The following MARCHF11 variants were observed in gnomAD, a reference collection of about 807,000 sequenced individuals.
The protein encoded by MARCHF11 is E3 ubiquitin-protein ligase MARCHF11.
A neutral mutation model predicts 37.3 loss-of-function variants in MARCHF11; 29 were observed. That is an observed-to-expected ratio of 0.78 (90% CI 0.58 to 1.06). The LOEUF (loss-of-function observed/expected upper bound fraction) is 1.06. Among genes scored for constraint, MARCHF11 ranks in the 50% least tolerant of loss-of-function variants. MARCHF11 has a pLI of 0.00. For missense variants in MARCHF11, 482 were observed against 533.4 expected (o/e 0.90, Z 0.95); for synonymous variants, 233 against 228.0 (o/e 1.02, Z -0.20).
chr5:16,102,297 C>G (rs1481342037), intron 2 of MARCHF11, among the ~76,000 whole-genome samples: 1 of 152,180 alleles, frequency 6.6e-6, no homozygotes, highest in African/African-American at 2.4e-5. Flanking sequence ...TGTAAGATGA[C>G]ACTGATACGT....
chr5:16,107,257 T>G (rs978445247), intron 2 of MARCHF11, among the ~76,000 whole-genome samples: 8 of 152,052 alleles, frequency 5.3e-5, no homozygotes, highest in African/African-American at 1.9e-4. Context: ...GTTTTTCCTC[T>G]CCCAAGCGTT....
chr5:16,109,715 C>T lies in MARCHF11; in HGVS notation c.694-18634G>A, dbSNP rs561296918. Among the ~76,000 whole-genome samples, 43 of 152,316 alleles carry T rather than the reference C, an allele frequency of 2.8e-4. No homozygotes were observed. The Middle Eastern group carries it at 0.01, about 36-fold the overall frequency. On this transcript the variant is annotated intron_variant, in intron 2 of 3. Coordinates refer to ENST00000332432, the MANE Select transcript of MARCHF11 (RefSeq NM_001102562.3). ...AGTCATTAGAAGCTGAGGTGACAAC[C>T]TGGACTTGGGACTGGTGTCTGAAGT...
chr5:16,084,083 C>T (rs1456359289), intron 3 of MARCHF11, among the ~76,000 whole-genome samples: 3 of 152,044 alleles, frequency 2.0e-5, no homozygotes, highest in African/African-American at 4.8e-5. Flanking sequence ...CTTTTAGCTA[C>T]TCCATCTGGA....
At chr5:16,083,701 G>A (rs1314244931) in intron 3 of MARCHF11, among the ~76,000 whole-genome samples, 1 of 152,166 alleles carries the variant, frequency 6.6e-6, no homozygotes, top group Non-Finnish European at 1.5e-5. Flanking sequence ...AGAGATACCG[G>A]AGGGCATGAA....
At chr5:16,153,908 C>A (rs1318298386) in intron 2 of MARCHF11, among the ~76,000 whole-genome samples, 6 of 151,902 alleles carry the variant, frequency 3.9e-5, no homozygotes, top group Non-Finnish European at 8.8e-5. Context: ...GTGCCTTCCC[C>A]TCTTTTTCCT....
intron 3 of MARCHF11, among the ~76,000 whole-genome samples, chr5:16,081,219 C>T (rs558786592): frequency 6.6e-6 from 1 of 152,330 alleles, no homozygotes; most frequent in African/African-American, 2.4e-5. Flanking sequence ...TGGCTGTCTC[C>T]TCTTCCTCAG....
At chr5:16,087,604 T>C (rs944111555) in intron 3 of MARCHF11, among the ~76,000 whole-genome samples, 1 of 152,234 alleles carries the variant, frequency 6.6e-6, no homozygotes, top group Non-Finnish European at 1.5e-5. Context: ...TAGAATTGGA[T>C]GCCACAGATA....
At chr5:16,111,892 C>A (rs1293393033) in intron 2 of MARCHF11, among the ~76,000 whole-genome samples, 1 of 152,180 alleles carries the variant, frequency 6.6e-6, no homozygotes, top group East Asian at 1.9e-4. Context: ...CTAGCCATGG[C>A]TAAAAGAAGC....
At chr5:16,177,604 T>C (rs1738383421) in intron 2 of MARCHF11, 122 bp downstream of exon 2, 1 of 762,184 alleles carries the variant, frequency 1.3e-6, no homozygotes, top group Admixed American at 4.1e-5. Context: ...ATCTTGGTTT[T>C]AGTGTAATTT....
chr5:16,179,701 C>G lies in MARCHF11; in HGVS notation c.-126G>C, dbSNP rs1738443453. ...AGGGAGGGGGCCCGGACGCCTGGGGCTAGGGGGCGGGACGGGGAGGGGATG... is the reference window on the plus strand; with the variant it reads ...AGGGAGGGGGCCCGGACGCCTGGGGGTAGGGGGCGGGACGGGGAGGGGATG... On this transcript the variant is annotated 5_prime_UTR_variant, in exon 1 of 4. Coordinates refer to ENST00000332432, the MANE Select transcript of MARCHF11 (RefSeq NM_001102562.3). 4.1e-6 allele frequency: 1 copy of G among 242,652 alleles called. No individual in the cohort carries two copies. Among genetic ancestry groups the G allele is most frequent in the Non-Finnish European group, 6.1e-6 (1 of 164,102 alleles). The allele number at this position is 242,652 out of a possible 1,614,324, so 15.0% of individuals were successfully genotyped here.
chr5:16,176,254 C>T (rs342547), intron 2 of MARCHF11, among the ~76,000 whole-genome samples: 98,103 of 152,012 alleles, frequency 0.65, 33,189 homozygotes, highest in East Asian at 0.9. Flanking sequence ...CAATGAGTGT[C>T]TGACCATAGC....
intron 2 of MARCHF11, among the ~76,000 whole-genome samples, chr5:16,106,204 T>C (rs1737036426): frequency 6.6e-6 from 1 of 152,090 alleles, no homozygotes; most frequent in Non-Finnish European, 1.5e-5. Context: ...GCAACCTGAA[T>C]GAGGCTCCAA....
chr5:16,084,166 A>G (rs1466046765), intron 3 of MARCHF11, among the ~76,000 whole-genome samples: 40 of 152,232 alleles, frequency 2.6e-4, no homozygotes, highest in Non-Finnish European at 5.9e-5. Flanking sequence ...TATGTCCAAT[A>G]TAATCCATCT....
intron 3 of MARCHF11, among the ~76,000 whole-genome samples, chr5:16,089,514 T>C (rs563138011): frequency 3.9e-5 from 6 of 152,318 alleles, no homozygotes; most frequent in Non-Finnish European, 8.8e-5. Flanking sequence ...AAACATTTCA[T>C]TCTTTTATTT....
At chr5:16,145,693 T>C (rs1352878480) in intron 2 of MARCHF11, among the ~76,000 whole-genome samples, 2 of 151,884 alleles carry the variant, frequency 1.3e-5, no homozygotes, top group African/African-American at 4.8e-5. Context: ...TCTGGAAAAA[T>C]ATAAATAAAC....
At chr5:16,099,537 A>G (rs1177013765) in intron 2 of MARCHF11, among the ~76,000 whole-genome samples, 1 of 152,136 alleles carries the variant, frequency 6.6e-6, no homozygotes, top group Admixed American at 6.5e-5. Flanking sequence ...ATTCTCCTCT[A>G]TTATAACTTC....
intron 2 of MARCHF11, among the ~76,000 whole-genome samples, chr5:16,116,034 GGCAA>G (rs1204426735): frequency 1.3e-5 from 2 of 152,136 alleles, no homozygotes; most frequent in East Asian, 3.8e-4. Context: ...GCAGTGAGAT[GGCAA>G]ACGTTTAGTG....
intron 2 of MARCHF11, among the ~76,000 whole-genome samples, chr5:16,164,541 A>G (rs1173673860): frequency 2.6e-5 from 4 of 152,028 alleles, no homozygotes; most frequent in African/African-American, 4.8e-5. Context: ...TGGATTTTAA[A>G]AATATAATAT....
At chr5:16,090,828 C>A in intron 3 of MARCHF11, 61 bp downstream of exon 3, 1 of 1,292,342 alleles carries the variant, frequency 7.7e-7, no homozygotes, top group South Asian at 2.1e-5. Context: ...ATGGTGAAAA[C>A]GTAATCGCTG....
Sources: allele counts gnomAD v4.1 joint callset (sites outside exome capture counted in the v4.1 genomes callset), GRCh38; gene constraint gnomAD v4.1.1; transcripts MANE v1.5; gene names NCBI Gene and HGNC (gene_info 2026-07-23, HGNC 2026-07-21).